Variants in SMPD3 observed in about 807,000 individuals in gnomAD.
SMPD3 encodes nSMase-2.
Under a neutral mutation model 55.7 loss-of-function variants are expected in SMPD3, and 21 were observed. The ratio of observed to expected loss-of-function variants is 0.38; its 90% CI spans 0.27 to 0.54. The LOEUF (loss-of-function observed/expected upper bound fraction) is 0.54, where lower values mean the gene tolerates loss of function less well. Ranked by LOEUF, SMPD3 falls within the 20% of genes least tolerant of loss-of-function variation. The pLI is 0.80. For missense variants in SMPD3, 842 were observed against 899.6 expected, an observed-to-expected ratio of 0.94 and a Z score of 0.82; for synonymous variants, 457 against 404.3, an observed-to-expected ratio of 1.13 and a Z score of -1.56.
intron 2 of SMPD3, among the ~76,000 whole-genome samples, chr16:68,377,994 CG>C (rs1425824936): frequency 6.6e-6 from 1 of 152,196 alleles, no homozygotes; most frequent in Non-Finnish European, 1.5e-5. Context: ...CCCACTTTGG[CG>C]CTAGGATGAG....
intron 1 of SMPD3, among the ~76,000 whole-genome samples, chr16:68,431,882 A>G (rs1300267525): frequency 6.6e-6 from 1 of 152,162 alleles, no homozygotes; most frequent in Non-Finnish European, 1.5e-5. Context: ...AGATCCTACC[A>G]CTGCACTCCA....
At chr16:68,424,661 T>C (rs1418997990) in intron 1 of SMPD3, among the ~76,000 whole-genome samples, 2 of 152,224 alleles carry the variant, frequency 1.3e-5, no homozygotes, top group East Asian at 1.9e-4. Context: ...TTGATGACTC[T>C]ATTCTCTTGC....
chr16:68,399,251 TC>T (rs942386415), intron 1 of SMPD3, among the ~76,000 whole-genome samples: 3 of 152,126 alleles, frequency 2.0e-5, no homozygotes, highest in Admixed American at 6.5e-5. Context: ...GGTCCCATTT[TC>T]CCCACATGGG....
In SMPD3 at chr16:68,428,752, T is replaced by A. The variant is rs551476569; in HGVS notation, c.-269+19601A>T. ...CCCAGATCACAGAACCCTCTGTCGA[T>A]ACCTGAACTAGGGGCTGGAGGAGGT... On this transcript the variant is annotated intron_variant, in intron 1 of 8. Transcript: ENST00000219334. Among the ~76,000 whole-genome samples, 4 of 152,340 alleles carry A rather than the reference T, an allele frequency of 2.6e-5. No homozygotes were observed. The East Asian group carries it at 7.7e-4, about 29-fold the overall frequency.
intron 3 of SMPD3, 63 bp downstream of exon 3, chr16:68,370,796 C>A (rs529854728): frequency 1.9e-6 from 3 of 1,590,812 alleles, no homozygotes; most frequent in Admixed American, 1.8e-5. Flanking sequence ...CTGCAGCCCC[C>A]CTGCCTACAT....
At chr16:68,361,420 C>G (rs1006572896) in intron 8 of SMPD3, 113 bp from the exon 9 acceptor site, 23 of 1,372,702 alleles carry the variant, frequency 1.7e-5, no homozygotes, top group Admixed American at 7.6e-5. Context: ...GGGCTGGGAC[C>G]TTCCTGCAGT....
Position 68,359,637 on chromosome 16 carries a change from T to G in SMPD3, c.*1569A>C, listed in dbSNP as rs1452887153. The G allele has an allele frequency of 6.5e-6, 1 of 152,700 alleles. No individual in the cohort carries two copies. Among genetic ancestry groups the G allele is most frequent in the Non-Finnish European group, 1.5e-5 (1 of 68,074 alleles). 9.5% of individuals were successfully genotyped at this position (152,700 alleles called of 1,614,324 possible). On this transcript the variant is annotated 3_prime_UTR_variant, in exon 9 of 9. Transcript: ENST00000219334. Reference sequence around the variant, plus strand: ...GGAGGGGCTGACAGCAGACAGCAGGTCCTGGTGCTCCCTCCAGCCTCACCA... The same window carrying G: ...GGAGGGGCTGACAGCAGACAGCAGGGCCTGGTGCTCCCTCCAGCCTCACCA...
At chr16:68,364,583 G>T in intron 5 of SMPD3, 168 bp downstream of exon 5, 1 of 772,688 alleles carries the variant, frequency 1.3e-6, no homozygotes, top group Middle Eastern at 3.9e-4. Flanking sequence ...GGCTCTTCCT[G>T]TTCTAGGATT....
chr16:68,361,903 G>T, intron 7 of SMPD3, 144 bp from the exon 8 acceptor site: 1 of 1,287,866 alleles, frequency 7.8e-7, no homozygotes, highest in Non-Finnish European at 1.0e-6. Context: ...TCTCCCCTGC[G>T]GGTCCAAAAA....
intron 1 of SMPD3, among the ~76,000 whole-genome samples, chr16:68,405,545 C>CAAAAAAA (rs67518521): frequency 5.5e-5 from 4 of 72,982 alleles, no homozygotes; most frequent in Admixed American, 1.6e-4. Flanking sequence ...GACCCTGTCT[C>CAAAAAAA]AAAAAAAAAA....
intron 1 of SMPD3, among the ~76,000 whole-genome samples, chr16:68,413,238 CTGGCCTCCATAGCT>C (rs2090315586): frequency 6.6e-6 from 1 of 152,232 alleles, no homozygotes; most frequent in South Asian, 2.1e-4. Context: ...ATTTTCTGCC[CTGGCCTCCATAGCT>C]TTGGCCACTC....
intron 1 of SMPD3, among the ~76,000 whole-genome samples, chr16:68,432,832 C>T (rs766672173): frequency 1.3e-5 from 2 of 151,946 alleles, no homozygotes; most frequent in African/African-American, 2.4e-5. Flanking sequence ...TCTCTTTTTC[C>T]GAGACAGGGT....
At chr16:68,365,115 C>G in intron 3 of SMPD3, 23 bp from the exon 4 acceptor site, 1 of 1,612,198 alleles carries the variant, frequency 6.2e-7, no homozygotes, top group South Asian at 1.1e-5. Flanking sequence ...GGGGTCAGTG[C>G]TGCCACCTGC....
At chr16:68,420,412 C>T (rs987028153) in intron 1 of SMPD3, among the ~76,000 whole-genome samples, 2 of 152,220 alleles carry the variant, frequency 1.3e-5, no homozygotes, top group Admixed American at 6.5e-5. Context: ...CAGCCTGGTA[C>T]GGAGCCTATA....
In SMPD3 at chr16:68,364,731, G is replaced by C. The variant is rs772905543; in HGVS notation, c.1555+20C>G. On this transcript the variant is annotated intron_variant, in intron 5 of 8. Coordinates refer to ENST00000219334, the MANE Select transcript of SMPD3 (RefSeq NM_018667.4). ...CCTCCCCAGAGCTGGAGACCTGAGT[G>C]GGGAGGAGCCCGGCCTCACCAGAGG... is the stretch of plus-strand genomic sequence containing the variant. The C allele has an allele frequency of 3.1e-6, 5 of 1,603,520 alleles. No homozygotes were observed. Among genetic ancestry groups the C allele is most frequent in the Non-Finnish European group, 4.3e-6 (5 of 1,174,018 alleles).
chr16:68,394,159 A>G (rs2090135740), intron 1 of SMPD3, among the ~76,000 whole-genome samples: 1 of 151,952 alleles, frequency 6.6e-6, no homozygotes, highest in Admixed American at 6.6e-5. Context: ...CTTTTCTTAT[A>G]TTATTTCTTT....
chr16:68,397,787 T>C lies in SMPD3; in HGVS notation c.-268-11128A>G, dbSNP rs1264760889. On this transcript the variant is annotated intron_variant, in intron 1 of 8. Transcript: ENST00000219334. ...TTTTGCGGGGGCGGGGGGTGGTCTC[T>C]TCAGGAAGCCTTCCCCCCTCCCCTG... Among the ~76,000 whole-genome samples the C allele has an allele frequency of 3.3e-5, 5 of 152,142 alleles. 1 individual carries two copies. The highest frequency in any genetic ancestry group is 5.9e-5 in the Non-Finnish European group (4 of 68,012).
chr16:68,436,272 T>G (rs985112490), intron 1 of SMPD3, among the ~76,000 whole-genome samples: 5 of 152,186 alleles, frequency 3.3e-5, no homozygotes, highest in African/African-American at 1.2e-4. Flanking sequence ...CATTGGCTTT[T>G]CCCCTTCTAT....
chr16:68,421,325 T>G (rs1456690836), intron 1 of SMPD3, among the ~76,000 whole-genome samples: 1 of 152,172 alleles, frequency 6.6e-6, no homozygotes, highest in African/African-American at 2.4e-5. Flanking sequence ...TTGTGGGGAA[T>G]GGCAGAGACT....
Sources: allele counts gnomAD v4.1 joint callset (sites outside exome capture counted in the v4.1 genomes callset), GRCh38; gene constraint gnomAD v4.1.1; transcripts MANE v1.5; gene names NCBI Gene and HGNC (gene_info 2026-07-23, HGNC 2026-07-21).